Variants in MTMR14 observed in about 807,000 individuals in gnomAD.
The protein encoded by MTMR14 is phosphatidylinositol-3,5-bisphosphate 3-phosphatase MTMR14.
A neutral mutation model predicts 86.3 loss-of-function variants in MTMR14; 48 were observed. The ratio of observed to expected loss-of-function variants is 0.56; its 90% CI spans 0.44 to 0.71. The LOEUF is 0.71. MTMR14 is among the 30% of genes least tolerant of loss of function. The pLI is 0.00. For synonymous variants in MTMR14, 366 were observed against 326.1 expected, an observed-to-expected ratio of 1.12 and a Z score of -1.32; for missense variants, 780 against 834.6, an observed-to-expected ratio of 0.93 and a Z score of 0.81.
rs1237140413 is a variant in MTMR14, at chr3:9,653,486, C to G, written c.160-135C>G. On this transcript the variant is annotated intron_variant, in intron 1 of 18. Coordinates refer to ENST00000296003, the MANE Select transcript of MTMR14 (RefSeq NM_001077525.3). ...ACACGTAGGACCTGTGGCCTAGCAT[C>G]ACATCTTCCCAGCACAGAATAATTA... The G allele has an allele frequency of 1.6e-5, 18 of 1,118,300 alleles. No individual in the cohort carries two copies. In the Admixed American group the frequency reaches 1.9e-4, roughly 12 times the overall value. The allele number at this position is 1,118,300 out of a possible 1,614,324, so 69.3% of individuals were successfully genotyped here. A position where few individuals can be genotyped will look rare whatever the true frequency, so the allele number is the denominator to read the frequency against.
intron 3 of MTMR14, among the ~76,000 whole-genome samples, chr3:9,668,056 A>G (rs370053980): frequency 6.6e-6 from 1 of 152,084 alleles, no homozygotes; most frequent in South Asian, 2.1e-4. Context: ...AACACTATTT[A>G]TTTTAAACAA....
At chr3:9,669,377 T>C (rs2048443386) in intron 4 of MTMR14, 55 bp from the exon 5 acceptor site, 13 of 1,585,264 alleles carry the variant, frequency 8.2e-6, no homozygotes, top group Non-Finnish European at 1.1e-5. Context: ...AGGAGGCCCC[T>C]GTGTGGAGCC....
In MTMR14 at chr3:9,685,254, A is replaced by C; in HGVS notation, c.1164+7A>C. ...GCTCAGCAAAGGGGAGGAGGTGAGTATACCACCTACGACTTGTGGGCACAG... is the reference window on the plus strand; with the variant it reads ...GCTCAGCAAAGGGGAGGAGGTGAGTCTACCACCTACGACTTGTGGGCACAG... On this transcript the variant is annotated splice_region_variant and intron_variant, in intron 13 of 18. Transcript: ENST00000296003. 2 of 1,613,956 alleles carry C rather than the reference A, an allele frequency of 1.2e-6. No homozygotes were observed. Among genetic ancestry groups the C allele is most frequent in the South Asian group, 2.2e-5 (2 of 91,082 alleles).
Position 9,678,101 on chromosome 3 carries a change from G to T in MTMR14, c.897+43G>T, listed in dbSNP as rs1267906990. On this transcript the variant is annotated intron_variant, in intron 9 of 18. Transcript: ENST00000296003. ...AGCATTGAGGGCAGGATAAGGGAGTGGTGACCAAGGAGACTCTTGATGCCT... is the reference window on the plus strand; with the variant it reads ...AGCATTGAGGGCAGGATAAGGGAGTTGTGACCAAGGAGACTCTTGATGCCT... 1.9e-6 allele frequency: 3 copies of T among 1,602,306 alleles called. No individual in the cohort carries two copies. The African/African-American group carries it at 4.0e-5, about 21-fold the overall frequency.
In MTMR14 at chr3:9,668,687, A is replaced by G. The variant is rs779399358; in HGVS notation, c.418-32A>G. 9.3e-6 allele frequency: 15 copies of G among 1,610,804 alleles called. No homozygotes were observed. The Admixed American group carries it at 2.3e-4, about 25-fold the overall frequency. On this transcript the variant is annotated intron_variant, in intron 3 of 18. Transcript: ENST00000296003. ...TCAACTGTGCATGCTTCAGAAAACC[A>G]TCTGACCGTGAAAATGATGTTTCTC... is the stretch of plus-strand genomic sequence containing the variant.
In MTMR14 at chr3:9,677,464, T is replaced by G. The variant is rs1300717026; in HGVS notation, c.822+77T>G. On this transcript the variant is annotated intron_variant, in intron 8 of 18. Transcript: ENST00000296003. The surrounding 1 kb of genome is among the most constrained non-coding windows in gnomAD (Gnocchi z 4.2). ...GGCCAAGGAGAACAACAAGCAGTCT[T>G]TGGGGAAAACAACAAGCAGTCTTTG... The G allele has an allele frequency of 7.5e-7, 1 of 1,330,512 alleles. No individual in the cohort carries two copies. Among genetic ancestry groups the G allele is most frequent in the African/African-American group, 1.4e-5 (1 of 69,312 alleles). 82.4% of individuals were successfully genotyped at this position (1,330,512 alleles called of 1,614,324 possible).
intron 2 of MTMR14, among the ~76,000 whole-genome samples, chr3:9,654,693 C>T (rs1008076976): frequency 6.6e-6 from 1 of 152,166 alleles, no homozygotes. Flanking sequence ...TGAGGAGTAC[C>T]GCAGCAGTCA....
At chr3:9,685,033 T>A in intron 12 of MTMR14, 69 bp downstream of exon 12, 1 of 1,540,326 alleles carries the variant, frequency 6.5e-7, no homozygotes, top group Non-Finnish European at 9.0e-7. Flanking sequence ...GTGTGGTGGC[T>A]CCCTTGACAG....
intron 2 of MTMR14, among the ~76,000 whole-genome samples, chr3:9,655,406 G>A (rs1167721975): frequency 6.6e-6 from 1 of 151,322 alleles, no homozygotes; most frequent in African/African-American, 2.4e-5. Context: ...AACCTCTCCT[G>A]GGCCTTCTGG....
intron 13 of MTMR14, among the ~76,000 whole-genome samples, chr3:9,685,908 G>A (rs1430878215): frequency 6.6e-6 from 1 of 152,160 alleles, no homozygotes; most frequent in Non-Finnish European, 1.5e-5. Context: ...CTTACTGCCT[G>A]GGTGACCTTG....
At chr3:9,652,618 AC>A (rs1473007097) in intron 1 of MTMR14, among the ~76,000 whole-genome samples, 1 of 151,706 alleles carries the variant, frequency 6.6e-6, no homozygotes, top group Non-Finnish European at 1.5e-5. Context: ...GTGGTGGCTC[AC>A]CCAGGAGGCA....
At chr3:9,681,992 A>G (rs2075783914) in intron 9 of MTMR14, among the ~76,000 whole-genome samples, 1 of 152,166 alleles carries the variant, frequency 6.6e-6, no homozygotes, top group Non-Finnish European at 1.5e-5. Flanking sequence ...TGTCCTCGGC[A>G]GGGCCTGCCC....
At chr3:9,687,792 A>ATT in intron 13 of MTMR14, 29 bp from the exon 14 acceptor site, 1 of 1,554,006 alleles carries the variant, frequency 6.4e-7, no homozygotes. Flanking sequence ...GGTTCTTCTC[A>ATT]TTGTGCGCTG....
In MTMR14 at chr3:9,650,951, G is replaced by C. The variant is rs146529906; in HGVS notation, c.159+1209G>C. On this transcript the variant is annotated intron_variant, in intron 1 of 18. Transcript: ENST00000296003. ...TTACAGGACCCCACCACCACGCCCA[G>C]CTAATTATTGTAGTTTTTAGTAGAG... is the stretch of plus-strand genomic sequence containing the variant. Among the ~76,000 whole-genome samples, 1,401 of 152,110 alleles carry C rather than the reference G, an allele frequency of 9.2e-3. 8 individuals carry two copies. Among genetic ancestry groups the C allele is most frequent in the Non-Finnish European group, 0.014 (933 of 67,988 alleles).
At position 9,687,887 on chromosome 3, in the gene MTMR14, C is replaced by G; in HGVS notation, c.1231C>G (p.Gln411Glu). ...CGAGGAGTTCTCTGCTCTGAAGACC[C>G]AGAGGTAAGTGGAGGCCTGCACGTG... ...TSEEFSALKT[Q>E]RRKSLPARDG... is the part of the protein sequence containing the mutation. The change falls in exon 14 of 19, where the codon CAG (glutamine) becomes GAG (glutamate). Residue 411 changes from glutamine to glutamate, a missense_variant. Transcript: ENST00000296003. 1 of 1,587,320 alleles carries G rather than the reference C, an allele frequency of 6.3e-7. No homozygotes were observed. The highest frequency in any genetic ancestry group is 8.6e-7 in the Non-Finnish European group (1 of 1,164,612).
intron 17 of MTMR14, among the ~76,000 whole-genome samples, chr3:9,693,712 C>T (rs926108446): frequency 6.6e-6 from 1 of 152,128 alleles, no homozygotes; most frequent in Non-Finnish European, 1.5e-5. Context: ...TATGAGTGGA[C>T]CTGTGCAGTT....
At chr3:9,672,482 G>A (rs577859351) in intron 6 of MTMR14, among the ~76,000 whole-genome samples, 4 of 152,206 alleles carry the variant, frequency 2.6e-5, no homozygotes, top group African/African-American at 9.6e-5. Context: ...TCCATGTTGG[G>A]AACATGACCT....
In MTMR14 at chr3:9,697,872, T is replaced by C; in HGVS notation, c.1769+6T>C. 1.2e-6 allele frequency: 2 copies of C among 1,614,080 alleles called. No homozygotes were observed. Among genetic ancestry groups the C allele is most frequent in the Admixed American group, 3.3e-5 (2 of 60,026 alleles). On this transcript the variant is annotated splice_donor_region_variant and intron_variant, in intron 18 of 18. Transcript: ENST00000296003. ...GAGCTCCCTAACAGTTGTCTGTAAG[T>C]GTCTTGCTTGAGAAGGCAGGATGCT...
chr3:9,653,937 C>A (rs925151072), intron 2 of MTMR14, 168 bp downstream of exon 2: 9 of 876,252 alleles, frequency 1.0e-5, no homozygotes, highest in Admixed American at 7.9e-5. Context: ...GGCAAGGTGG[C>A]ATGGCATAGA....
Sources: allele counts gnomAD v4.1 joint callset (sites outside exome capture counted in the v4.1 genomes callset), GRCh38; gene constraint gnomAD v4.1.1; non-coding constraint Gnocchi (gnomAD v3.1); transcripts MANE v1.5; gene names NCBI Gene and HGNC (gene_info 2026-07-23, HGNC 2026-07-21).